Variants in KLHL32 observed in about 807,000 individuals in gnomAD.
The protein encoded by KLHL32 is kelch-like protein 32.
In KLHL32, 35 loss-of-function variants were observed where a neutral mutation model predicts 64.8. The ratio of observed to expected loss-of-function variants is 0.54; its 90% CI spans 0.41 to 0.72. The LOEUF (loss-of-function observed/expected upper bound fraction) is 0.72, where lower values mean the gene tolerates loss of function less well. Among genes scored for constraint, KLHL32 ranks in the 30% least tolerant of loss-of-function variants. The pLI, the probability that KLHL32 is intolerant of heterozygous loss-of-function variation, is 0.00. For synonymous variants in KLHL32, 259 were observed against 281.0 expected, an observed-to-expected ratio of 0.92 and a Z score of 0.78; for missense variants, 589 against 768.5, an observed-to-expected ratio of 0.77 and a Z score of 2.76.
intron 4 of KLHL32, among the ~76,000 whole-genome samples, chr6:97,050,563 G>T (rs976904508): frequency 6.6e-6 from 1 of 152,150 alleles, no homozygotes; most frequent in African/African-American, 2.4e-5. Context: ...AATAGGGAAA[G>T]GTGGGGCTTG....
chr6:97,087,450 A>AAG (rs1793584113), intron 6 of KLHL32, among the ~76,000 whole-genome samples: 1 of 152,236 alleles, frequency 6.6e-6, no homozygotes, highest in Non-Finnish European at 1.5e-5. Context: ...CTGGAGACAG[A>AAG]TCTACAGAAT....
At chr6:96,944,306 T>C (rs1771686827) in intron 1 of KLHL32, among the ~76,000 whole-genome samples, 1 of 152,246 alleles carries the variant, frequency 6.6e-6, no homozygotes, top group Admixed American at 6.5e-5. Flanking sequence ...TATTTGTTCT[T>C]GTTTTATTCA....
chr6:96,944,263 G>C (rs952129374), intron 1 of KLHL32, among the ~76,000 whole-genome samples: 1 of 152,134 alleles, frequency 6.6e-6, no homozygotes, highest in African/African-American at 2.4e-5. Context: ...AGAATAAAAG[G>C]CACTATCTAA....
At chr6:97,104,633 A>C (rs924893212) in intron 6 of KLHL32, among the ~76,000 whole-genome samples, 1 of 152,224 alleles carries the variant, frequency 6.6e-6, no homozygotes, top group African/African-American at 2.4e-5. Context: ...AAAATAGCCT[A>C]TGTGTCTTAC....
At chr6:97,045,161 A>G (rs10485380) in intron 4 of KLHL32, among the ~76,000 whole-genome samples, 11,016 of 152,262 alleles carry the variant, frequency 0.072, 858 homozygotes, top group Admixed American at 0.22. Flanking sequence ...TTAATCAAGT[A>G]GAAAGTATAA....
At chr6:97,138,852 G>A (rs1303643958) in intron 10 of KLHL32, among the ~76,000 whole-genome samples, 1 of 152,194 alleles carries the variant, frequency 6.6e-6, no homozygotes, top group Admixed American at 6.5e-5. Context: ...ATGAAGTAAT[G>A]CTACCTACCT....
intron 6 of KLHL32, among the ~76,000 whole-genome samples, chr6:97,103,490 G>A (rs2128199707): frequency 6.6e-6 from 1 of 152,294 alleles, no homozygotes; most frequent in South Asian, 2.1e-4. Flanking sequence ...TGGGATTACA[G>A]GCGCCCAGCC....
At chr6:96,998,870 G>A (rs538822400) in intron 3 of KLHL32, among the ~76,000 whole-genome samples, 3 of 152,138 alleles carry the variant, frequency 2.0e-5, no homozygotes, top group Non-Finnish European at 2.9e-5. Context: ...TAAACTGATC[G>A]TTATTTTCCA....
At chr6:97,102,878 G>T (rs188406692) in intron 6 of KLHL32, among the ~76,000 whole-genome samples, 6 of 151,886 alleles carry the variant, frequency 4.0e-5, no homozygotes, top group Admixed American at 2.6e-4. Flanking sequence ...ACACGTGAAG[G>T]TTTCTTATAT....
At chr6:96,966,860 T>C in intron 1 of KLHL32, 136 bp from the exon 2 acceptor site, 2 of 505,336 alleles carry the variant, frequency 4.0e-6, no homozygotes, top group Non-Finnish European at 7.2e-6. Flanking sequence ...GAGCATTGTG[T>C]CAGAACGTTT....
At chr6:97,001,382 G>A (rs13219657) in intron 3 of KLHL32, among the ~76,000 whole-genome samples, 8,294 of 152,220 alleles carry the variant, frequency 0.054, 320 homozygotes, top group Non-Finnish European at 0.08. Flanking sequence ...AATTTTGTAG[G>A]TACCTCACAA....
intron 1 of KLHL32, among the ~76,000 whole-genome samples, chr6:96,965,748 T>C (rs1303502845): frequency 6.6e-6 from 1 of 152,230 alleles, no homozygotes; most frequent in Non-Finnish European, 1.5e-5. Context: ...CCTTGAATTA[T>C]TCTGACTGCC....
rs910137097 is a variant in KLHL32, at chr6:97,063,447, C to T, written c.313-1181C>T. On this transcript the variant is annotated intron_variant, in intron 4 of 10. Transcript: ENST00000369261. ...GCAGGCAGAAGGGGTTGGGATCAAG[C>T]ACACAAGTGGACTGTTGGGGAGAGC... Among the ~76,000 whole-genome samples, 4 of 152,238 alleles carry T rather than the reference C, an allele frequency of 2.6e-5. No individual in the cohort carries two copies. The South Asian group carries it at 8.3e-4, about 32-fold the overall frequency.
the KLHL32 span, among the ~76,000 whole-genome samples, chr6:96,911,821 C>CTTTTTTTTTTT: frequency 1.9e-5 from 1 of 53,510 alleles, no homozygotes; most frequent in Non-Finnish European, 3.9e-5. Flanking sequence ...CTGCTCGGTC[C>CTTTTTTTTTTT]TTCTTTTTTT....
intron 2 of KLHL32, among the ~76,000 whole-genome samples, chr6:96,975,310 A>C (rs1424328427): frequency 2.0e-5 from 3 of 152,232 alleles, no homozygotes; most frequent in African/African-American, 7.2e-5. Context: ...TCACACATAG[A>C]AACTAAATGC....
chr6:96,967,985 T>C (rs1774655249), intron 2 of KLHL32, among the ~76,000 whole-genome samples: 1 of 152,218 alleles, frequency 6.6e-6, no homozygotes, highest in South Asian at 2.1e-4. Context: ...ACAGTCAAAA[T>C]ATCTTCAGAG....
intron 10 of KLHL32, among the ~76,000 whole-genome samples, chr6:97,137,951 C>G (rs992611526): frequency 1.3e-5 from 2 of 152,146 alleles, no homozygotes; most frequent in Non-Finnish European, 2.9e-5. Flanking sequence ...GAAACACCTA[C>G]GTCCAGGATG....
At chr6:96,943,383 A>C (rs1011474444) in intron 1 of KLHL32, among the ~76,000 whole-genome samples, 1 of 137,524 alleles carries the variant, frequency 7.3e-6, no homozygotes, top group African/African-American at 2.6e-5. Flanking sequence ...TCCAAGAAGA[A>C]GTAAAAAAAA....
At chr6:97,078,626 A>G (rs1237541688) in intron 5 of KLHL32, among the ~76,000 whole-genome samples, 1 of 152,186 alleles carries the variant, frequency 6.6e-6, no homozygotes, top group Non-Finnish European at 1.5e-5. Context: ...AGTTTTCTAT[A>G]GTGATAGTAC....
Sources: gnomAD v4.1 joint callset for allele counts (sites outside exome capture counted in the v4.1 genomes callset) on GRCh38, gnomAD v4.1.1 for gene constraint, MANE v1.5 for transcripts, NCBI Gene and HGNC (gene_info 2026-07-23, HGNC 2026-07-21) for gene names.